NUBPL: variants seen among roughly 807,000 people sequenced by gnomAD.
NUBPL encodes the protein iron-sulfur cluster transfer protein NUBPL.
In NUBPL, 31 loss-of-function variants were observed where a neutral mutation model predicts 45.7. The observed-to-expected ratio is 0.68, with a 90% confidence interval of 0.51 to 0.92. The LOEUF is 0.92. Among genes scored for constraint, NUBPL ranks in the 40% least tolerant of loss-of-function variants. NUBPL has a pLI of 0.00. For missense variants in NUBPL, 401 were observed against 398.7 expected, an observed-to-expected ratio of 1.01 and a Z score of -0.05; for synonymous variants, 144 against 140.9, an observed-to-expected ratio of 1.02 and a Z score of -0.15.
chr14:31,779,011 G>A (rs2039145450), intron 6 of NUBPL, among the ~76,000 whole-genome samples: 1 of 152,218 alleles, frequency 6.6e-6, no homozygotes, highest in African/African-American at 2.4e-5. Context: ...GATTGGGCAA[G>A]TTATTACACC....
chr14:31,807,587 A>G (rs1173872733), intron 7 of NUBPL, among the ~76,000 whole-genome samples: 2 of 152,074 alleles, frequency 1.3e-5, no homozygotes, highest in Non-Finnish European at 2.9e-5. Context: ...GTTCACTCTG[A>G]TGGTAGTTTC....
chr14:31,686,651 T>G (rs2139847712), intron 6 of NUBPL: 1 of 152,342 alleles, frequency 6.6e-6, no homozygotes, highest in Admixed American at 6.5e-5. Context: ...GGGATCTGCC[T>G]TTTCTCCATA....
intron 6 of NUBPL, among the ~76,000 whole-genome samples, chr14:31,696,792 A>T (rs1362826502): frequency 1.3e-5 from 2 of 152,240 alleles, no homozygotes; most frequent in Non-Finnish European, 2.9e-5. Context: ...CCTTCAGAAC[A>T]TAGAATTGGG....
intron 7 of NUBPL, chr14:31,801,285 A>G (rs1221398141): frequency 5.3e-5 from 8 of 152,258 alleles, no homozygotes; most frequent in African/African-American, 1.7e-4. Context: ...AACTTAGGTG[A>G]TACAGTCCAC....
intron 6 of NUBPL, among the ~76,000 whole-genome samples, chr14:31,778,339 A>C (rs1415329370): frequency 6.6e-6 from 1 of 152,210 alleles, no homozygotes; most frequent in East Asian, 1.9e-4. Context: ...AGCCAAAAAA[A>C]ACAATGTGGT....
In NUBPL at chr14:31,861,128, A is replaced by T. The variant is rs1199932071; in HGVS notation, c.*1948A>T. ...TTTTGCAAGATGTTACCACTGGGGGAAATTGGGTGAAGGGCACATGGAATC... is the reference window on the plus strand; with the variant it reads ...TTTTGCAAGATGTTACCACTGGGGGTAATTGGGTGAAGGGCACATGGAATC... On this transcript the variant is annotated 3_prime_UTR_variant, in exon 11 of 11. Transcript: ENST00000281081. 1 of 152,136 alleles carries T rather than the reference A, an allele frequency of 6.6e-6. No homozygotes were observed. Among genetic ancestry groups the T allele is most frequent in the African/African-American group, 2.4e-5 (1 of 41,418 alleles). 9.4% of individuals were successfully genotyped at this position (152,136 alleles called of 1,614,324 possible). A position where few individuals can be genotyped will look rare whatever the true frequency, so the allele number is the denominator to read the frequency against.
At chr14:31,563,297 T>C (rs556113814) in intron 2 of NUBPL, among the ~76,000 whole-genome samples, 2 of 152,298 alleles carry the variant, frequency 1.3e-5, no homozygotes, top group African/African-American at 4.8e-5. Flanking sequence ...GTTCTTTGCG[T>C]TTTGTAATTT....
chr14:31,647,658 G>C (rs2035892598), intron 4 of NUBPL, among the ~76,000 whole-genome samples: 1 of 152,184 alleles, frequency 6.6e-6, no homozygotes, highest in Admixed American at 6.5e-5. Flanking sequence ...CAGGGCTAGG[G>C]ATGGTGGTCC....
chr14:31,847,224 T>G (rs1292666167), intron 9 of NUBPL, among the ~76,000 whole-genome samples: 1 of 152,226 alleles, frequency 6.6e-6, no homozygotes, highest in Non-Finnish European at 1.5e-5. Flanking sequence ...TGGGTGTACA[T>G]CTCTCAGTAG....
intron 8 of NUBPL, among the ~76,000 whole-genome samples, chr14:31,833,033 G>A (rs1273501259): frequency 2.6e-5 from 4 of 152,072 alleles, no homozygotes; most frequent in Non-Finnish European, 4.4e-5. Flanking sequence ...AGATTTTTAT[G>A]TATTTTACCT....
intron 4 of NUBPL, among the ~76,000 whole-genome samples, chr14:31,621,065 C>A (rs1271279328): frequency 2.0e-5 from 3 of 152,198 alleles, no homozygotes; most frequent in South Asian, 4.1e-4. Context: ...AACTTCCTGG[C>A]GGCTTTGTTT....
intron 8 of NUBPL, among the ~76,000 whole-genome samples, chr14:31,833,456 A>G (rs2040225056): frequency 6.6e-6 from 1 of 152,118 alleles, no homozygotes; most frequent in South Asian, 2.1e-4. Flanking sequence ...AGCCATCTAT[A>G]TTATCTTCAT....
At chr14:31,756,049 A>T (rs1479543821) in intron 6 of NUBPL, among the ~76,000 whole-genome samples, 2 of 151,888 alleles carry the variant, frequency 1.3e-5, no homozygotes, top group Admixed American at 1.3e-4. Context: ...GTTCTGTTCC[A>T]TTGGTCTATA....
chr14:31,736,747 G>T (rs2038174099), intron 6 of NUBPL, among the ~76,000 whole-genome samples: 1 of 152,112 alleles, frequency 6.6e-6, no homozygotes, highest in African/African-American at 2.4e-5. Flanking sequence ...TTTAGCTTAG[G>T]GATATGTTTA....
intron 6 of NUBPL, among the ~76,000 whole-genome samples, chr14:31,740,499 G>GT (rs771013501): frequency 6.6e-6 from 1 of 152,230 alleles, no homozygotes; most frequent in Non-Finnish European, 1.5e-5. Flanking sequence ...AAATTGGGTT[G>GT]TTTGTTTTCT....
chr14:31,577,559 G>A (rs567337043), intron 3 of NUBPL, among the ~76,000 whole-genome samples: 101 of 152,274 alleles, frequency 6.6e-4, no homozygotes, highest in Middle Eastern at 3.4e-3. Flanking sequence ...GATTACAGGT[G>A]CCAGCCACCA....
intron 7 of NUBPL, among the ~76,000 whole-genome samples, chr14:31,823,760 A>G (rs1270484996): frequency 6.6e-6 from 1 of 152,134 alleles, no homozygotes; most frequent in Non-Finnish European, 1.5e-5. Flanking sequence ...ATACAGCTGG[A>G]TACAGCCAGA....
chr14:31,591,083 A>G (rs1462448857), intron 3 of NUBPL, among the ~76,000 whole-genome samples: 1 of 152,124 alleles, frequency 6.6e-6, no homozygotes, highest in Non-Finnish European at 1.5e-5. Flanking sequence ...TTGAAACCCT[A>G]TTGTACTAAA....
At chr14:31,590,953 C>T (rs981036565) in intron 3 of NUBPL, among the ~76,000 whole-genome samples, 1 of 152,110 alleles carries the variant, frequency 6.6e-6, no homozygotes, top group Non-Finnish European at 1.5e-5. Flanking sequence ...TCCTGATTTA[C>T]TTTTCCCTCC....
Sources: gnomAD v4.1 joint callset for allele counts (sites outside exome capture counted in the v4.1 genomes callset) on GRCh38, gnomAD v4.1.1 for gene constraint, MANE v1.5 for transcripts, NCBI Gene and HGNC (gene_info 2026-07-23, HGNC 2026-07-21) for gene names.